SCAP: variants seen among roughly 807,000 people sequenced by gnomAD.
SCAP encodes SREBF chaperone.
In SCAP, 65 loss-of-function variants were observed where a neutral mutation model predicts 123.6. The ratio of observed to expected loss-of-function variants is 0.53; its 90% CI spans 0.43 to 0.65. SCAP has a LOEUF of 0.65. SCAP is among the 30% of genes least tolerant of loss of function. SCAP has a pLI of 0.00. For missense variants in SCAP, 1,398 were observed against 1,712.5 expected (o/e 0.82, Z 3.24); for synonymous variants, 740 against 726.3 (o/e 1.02, Z -0.30).
intron 1 of SCAP, among the ~76,000 whole-genome samples, chr3:47,462,661 G>A (rs1487436140): frequency 6.6e-6 from 1 of 150,912 alleles, no homozygotes; most frequent in Non-Finnish European, 1.5e-5. Context: ...GCTGAGGCAG[G>A]AGAATCGCTT....
At position 47,418,187 on chromosome 3, in the gene SCAP, G is replaced by A. The variant is rs751109042; in HGVS notation, c.2394C>T (p.Val798=). 5.1e-6 allele frequency: 8 copies of A among 1,576,170 alleles called. No homozygotes were observed. Among genetic ancestry groups the A allele is most frequent in the Non-Finnish European group, 6.9e-6 (8 of 1,161,668 alleles). The change falls in exon 16 of 23, where the codon GTC becomes GTT. Residue 798 remains valine (V), a synonymous_variant. Transcript: ENST00000265565. The part of the protein sequence containing the change: ...LLVSCCLAGH[V]CVWDAQTGDC... ...CCCCGGTCTGCGCGTCCCACACGCA[G>A]ACGTGGCCTGCCAGGCAGCAGCTCA...
intron 1 of SCAP, among the ~76,000 whole-genome samples, chr3:47,455,023 T>C (rs1012373489): frequency 1.4e-5 from 2 of 147,326 alleles, no homozygotes; most frequent in African/African-American, 4.9e-5. Context: ...TTGCAAATGA[T>C]ATTATGTACA....
At chr3:47,467,921 C>T (rs1018966868) in intron 1 of SCAP, among the ~76,000 whole-genome samples, 1 of 150,520 alleles carries the variant, frequency 6.6e-6, no homozygotes, top group Non-Finnish European at 1.5e-5. Context: ...TTCCCATGTC[C>T]AGGTGTTCTC....
rs1255969136 is a variant in SCAP at position 47,413,863 on chromosome 3, C to G, written c.3831G>C (p.Lys1277Asn). The G allele has an allele frequency of 6.2e-6, 10 of 1,612,728 alleles. No individual in the cohort carries two copies. Among genetic ancestry groups the G allele is most frequent in the Non-Finnish European group, 8.5e-6 (10 of 1,179,886 alleles). The change falls in exon 23 of 23, where the codon AAG becomes AAC. Residue 1277 changes from lysine (K) to asparagine (N), a missense_variant. By Grantham distance (94) the Lys-to-Asn change is moderately conservative. Around this residue, in one of 7 missense-constraint regions of SCAP, gnomAD observed 130 missense variants for 166.7 expected, o/e 0.78. Coordinates refer to ENST00000265565, the MANE Select transcript of SCAP (RefSeq NM_012235.4). ...SLVYVPSVLEKLD is the reference protein window; with the variant it reads ...SLVYVPSVLENLD The stretch of plus-strand genomic sequence containing the variant: ...CAAGGAGGCCCTGCGCTCAGTCCAG[C>G]TTCTCCAGCACAGAGGGCACATACA...
intron 1 of SCAP, among the ~76,000 whole-genome samples, chr3:47,467,986 T>C (rs984010063): frequency 3.9e-5 from 6 of 152,156 alleles, no homozygotes; most frequent in Middle Eastern, 3.4e-3. Context: ...TTTCTGTCCT[T>C]GCGATAGTTT....
rs915365937 is a variant in SCAP at position 47,439,265 on chromosome 3, C to T, written c.122+3607G>A. Reference sequence around the variant, plus strand: ...CTCTACTAAAAATACAAAAAATAGCCGGACGTGGTGGCTCACACCTGTAAT... The same window carrying T: ...CTCTACTAAAAATACAAAAAATAGCTGGACGTGGTGGCTCACACCTGTAAT... On this transcript the variant is annotated intron_variant, in intron 2 of 22. Transcript: ENST00000265565. This position sits in a 1 kb window ranked among gnomAD's most constrained non-coding sequence, Gnocchi z 4.0. 1.3e-5 allele frequency among the ~76,000 whole-genome samples: 2 copies of T among 151,968 alleles called. No homozygotes were observed. The highest frequency in any genetic ancestry group is 6.6e-5 in the Admixed American group (1 of 15,252).
chr3:47,464,939 T>C (rs193258318), intron 1 of SCAP, among the ~76,000 whole-genome samples: 1 of 152,236 alleles, frequency 6.6e-6, no homozygotes, highest in African/African-American at 2.4e-5. Flanking sequence ...AAAATGAACA[T>C]GCAAAAATCA....
intron 1 of SCAP, among the ~76,000 whole-genome samples, chr3:47,463,527 C>A (rs979003680): frequency 6.6e-6 from 1 of 151,988 alleles, no homozygotes; most frequent in African/African-American, 2.4e-5. Flanking sequence ...CATAGTGAAA[C>A]CTTGTGTCTA....
At chr3:47,441,257 A>G (rs1418372070) in intron 2 of SCAP, among the ~76,000 whole-genome samples, 53 of 152,242 alleles carry the variant, frequency 3.5e-4, no homozygotes, top group Non-Finnish European at 2.9e-5. Context: ...CCATAGTACC[A>G]TCAGAGAGTA....
chr3:47,423,744 G>A (rs150534361), intron 9 of SCAP, among the ~76,000 whole-genome samples, 189 bp downstream of exon 9: 3 of 152,280 alleles, frequency 2.0e-5, no homozygotes, highest in African/African-American at 7.2e-5. Context: ...CAGTCCAATG[G>A]CCCCATGGCT....
In SCAP at chr3:47,442,914, A is replaced by C; in HGVS notation, c.80T>G (p.Ile27Ser). 6.2e-7 allele frequency: 1 copy of C among 1,614,184 alleles called. No individual in the cohort carries two copies. Reference protein sequence around the residue: ...NHGLLCASYPIPIILFTGFCI... With the variant: ...NHGLLCASYPSPIILFTGFCI... ...GAACCCTGTGAAGAGGATGATGGGG[A>C]TGGGATAGGATGCACAGAGGAGCCC... is the stretch of plus-strand genomic sequence containing the variant. The change falls in exon 2 of 23, where the codon ATC (isoleucine) becomes AGC (serine). Residue 27 changes from isoleucine to serine, a missense_variant. By Grantham distance (142) the Ile-to-Ser change is moderately radical. This residue lies in a region of SCAP where 319 missense variants were observed against 432.4 expected (regional missense o/e 0.74). Transcript: ENST00000265565.
intron 3 of SCAP, among the ~76,000 whole-genome samples, chr3:47,432,326 A>G (rs1362250669): frequency 2.6e-5 from 4 of 151,686 alleles, no homozygotes; most frequent in Non-Finnish European, 5.9e-5. Context: ...AAAAAAAAAA[A>G]AAAAAAGAAA....
At chr3:47,460,232 T>C (rs1707579474) in intron 1 of SCAP, among the ~76,000 whole-genome samples, 1 of 152,200 alleles carries the variant, frequency 6.6e-6, no homozygotes, top group South Asian at 2.1e-4. Flanking sequence ...ACAATAGTGG[T>C]CCTGAGGTGA....
At chr3:47,474,833 C>G (rs1358948575) in intron 1 of SCAP, among the ~76,000 whole-genome samples, 2 of 152,118 alleles carry the variant, frequency 1.3e-5, no homozygotes, top group Admixed American at 6.6e-5. Flanking sequence ...TTAGGCATCA[C>G]TGAGGAACAC....
At chr3:47,430,842 G>A (rs941213751) in intron 3 of SCAP, among the ~76,000 whole-genome samples, 5 of 152,058 alleles carry the variant, frequency 3.3e-5, no homozygotes, top group East Asian at 3.9e-4. Context: ...GGCTGCAGTC[G>A]GGAACTCCAA....
chr3:47,456,909 A>G (rs1324540886), intron 1 of SCAP, among the ~76,000 whole-genome samples: 1 of 152,138 alleles, frequency 6.6e-6, no homozygotes, highest in Non-Finnish European at 1.5e-5. Flanking sequence ...AAGCCCAGCT[A>G]GGCACAATGG....
chr3:47,425,402 C>A, intron 8 of SCAP, 83 bp downstream of exon 8: 1 of 1,477,198 alleles, frequency 6.8e-7, no homozygotes, highest in South Asian at 1.3e-5. Flanking sequence ...CAGCAAAGTC[C>A]AGGGAAGGCC....
intron 3 of SCAP, among the ~76,000 whole-genome samples, chr3:47,430,437 G>A (rs535441382): frequency 1.3e-5 from 2 of 152,348 alleles, no homozygotes; most frequent in South Asian, 4.1e-4. Context: ...TGGCCCAGGA[G>A]AAGCTGAGTA....
intron 2 of SCAP, among the ~76,000 whole-genome samples, chr3:47,442,286 A>G (rs940808046): frequency 6.6e-6 from 1 of 152,190 alleles, no homozygotes; most frequent in African/African-American, 2.4e-5. Context: ...CATAGCCTTC[A>G]GGCTTCTATG....
Sources: gnomAD v4.1 joint callset for allele counts (sites outside exome capture counted in the v4.1 genomes callset) on GRCh38, gnomAD v4.1.1 for gene constraint, gnomAD v4.1.1 regional missense constraint, Gnocchi (gnomAD v3.1) non-coding constraint, MANE v1.5 for transcripts, NCBI Gene and HGNC (gene_info 2026-07-23, HGNC 2026-07-21) for gene names.